MTMR2: variants seen among roughly 807,000 people sequenced by gnomAD.
MTMR2 encodes the protein myotubularin related protein 2, also known as phosphatidylinositol-3,5-bisphosphate 3-phosphatase MTMR2.
In MTMR2, 55 loss-of-function variants were observed where a neutral mutation model predicts 86.9. That is an observed-to-expected ratio of 0.63 (90% CI 0.51 to 0.79). MTMR2 has a LOEUF of 0.79. Ranked by LOEUF, MTMR2 falls within the 30% of genes least tolerant of loss-of-function variation. The pLI is 0.00. For synonymous variants in MTMR2, 241 were observed against 266.8 expected (o/e 0.90, Z 0.94); for missense variants, 659 against 772.3 (o/e 0.85, Z 1.74).
chr11:95,865,819 T>G (rs893115174), intron 2 of MTMR2, 143 bp from the exon 3 acceptor site: 7 of 710,268 alleles, frequency 9.9e-6, no homozygotes, highest in Non-Finnish European at 1.7e-5. Context: ...TAAACTGTAG[T>G]GTTGGCATGT....
intron 10 of MTMR2, among the ~76,000 whole-genome samples, chr11:95,846,922 T>C (rs1863817776): frequency 6.6e-6 from 1 of 152,150 alleles, no homozygotes; most frequent in Non-Finnish European, 1.5e-5. Flanking sequence ...TTCTCTTCAA[T>C]TCTGTCTGAA....
Position 95,836,329 on chromosome 11 carries a change from A to G in MTMR2, c.1594-5T>C. The G allele has an allele frequency of 6.3e-7, 1 of 1,590,816 alleles. No individual in the cohort carries two copies. The highest frequency in any genetic ancestry group is 8.6e-7 in the Non-Finnish European group (1 of 1,162,014). Reference sequence around the variant, plus strand: ...CACAGTCCTTTTAGGAAGATTCTGTAGGCAGGAAAAATAGGTAAAGATTCT... The same window carrying G: ...CACAGTCCTTTTAGGAAGATTCTGTGGGCAGGAAAAATAGGTAAAGATTCT... On this transcript the variant is annotated splice_region_variant and splice_polypyrimidine_tract_variant and intron_variant, in intron 13 of 14. Coordinates refer to ENST00000346299, the MANE Select transcript of MTMR2 (RefSeq NM_016156.6).
intron 1 of MTMR2, among the ~76,000 whole-genome samples, chr11:95,893,897 C>T (rs1865795669): frequency 6.6e-6 from 1 of 152,138 alleles, no homozygotes; most frequent in African/African-American, 2.4e-5. Context: ...TCATCCCAAA[C>T]CAAAACCAAA....
At chr11:95,861,487 T>C (rs189902391) in intron 5 of MTMR2, among the ~76,000 whole-genome samples, 2,538 of 151,278 alleles carry the variant, frequency 0.017, 36 homozygotes, top group South Asian at 0.064. Context: ...GCAGTGGCAC[T>C]ATCTTGGCTC....
intron 12 of MTMR2, among the ~76,000 whole-genome samples, chr11:95,841,119 GCT>G (rs1175828350): frequency 6.6e-6 from 1 of 151,884 alleles, no homozygotes; most frequent in African/African-American, 2.4e-5. Flanking sequence ...AGCCATAATA[GCT>G]CTCTCTATGC....
Position 95,850,707 on chromosome 11 carries a change from G to A in MTMR2, c.697C>T (p.Arg233Ter), listed in dbSNP as rs751970177. Residue 233 changes from arginine (R) to a stop codon, truncating the protein, a stop_gained, in exon 8 of 15, where the codon CGA becomes TGA. Transcript: ENST00000346299. LOFTEE classifies it high-confidence loss of function. ...ESWRITKINE[R>*]YELCDTYPAL... ...GGGTATGTATCACAAAGTTCATATC[G>A]TTCATTTATCTTTGTTATTCTCCAG... is the stretch of plus-strand genomic sequence containing the variant. 4 of 1,613,286 alleles carry A rather than the reference G, an allele frequency of 2.5e-6. No homozygotes were observed. The highest frequency in any genetic ancestry group is 3.4e-6 in the Non-Finnish European group (4 of 1,179,590).
intron 9 of MTMR2, among the ~76,000 whole-genome samples, chr11:95,849,088 G>A (rs1467437419): frequency 6.6e-6 from 1 of 152,126 alleles, no homozygotes; most frequent in Non-Finnish European, 1.5e-5. Flanking sequence ...GGTACCTGCT[G>A]CTGTAGTTAT....
At chr11:95,888,024 G>C in intron 2 of MTMR2, 132 bp downstream of exon 2, 4 of 710,260 alleles carry the variant, frequency 5.6e-6, no homozygotes, top group Non-Finnish European at 4.7e-6. Flanking sequence ...GGCCTATTCT[G>C]GGATATTTTG....
chr11:95,900,563 C>A (rs1866035138), intron 1 of MTMR2, among the ~76,000 whole-genome samples: 1 of 152,002 alleles, frequency 6.6e-6, no homozygotes, highest in Non-Finnish European at 1.5e-5. Context: ...GCCTCAACTT[C>A]TTGCCCTTCC....
In MTMR2 at chr11:95,871,033, A is replaced by T. The variant is rs139530529; in HGVS notation, c.187-5357T>A. 2.0e-3 allele frequency among the ~76,000 whole-genome samples: 307 copies of T among 152,180 alleles called. 4 individuals are homozygous for T. The highest frequency in any genetic ancestry group is 6.9e-3 in the African/African-American group (285 of 41,502). ...TAGTTTCCTGAGAATGATGGTTTCCAGCTTCATCCATGCCCCTACAAAGGA... is the reference window on the plus strand; with the variant it reads ...TAGTTTCCTGAGAATGATGGTTTCCTGCTTCATCCATGCCCCTACAAAGGA... On this transcript the variant is annotated intron_variant, in intron 2 of 14. Coordinates refer to ENST00000346299, the MANE Select transcript of MTMR2 (RefSeq NM_016156.6).
chr11:95,834,401 T>G lies in MTMR2; in HGVS notation c.*889A>C, dbSNP rs1365229530. 6.6e-6 allele frequency: 1 copy of G among 152,116 alleles called. No homozygotes were observed. Among genetic ancestry groups the G allele is most frequent in the African/African-American group, 2.4e-5 (1 of 41,448 alleles). 9.4% of individuals were successfully genotyped at this position (152,116 alleles called of 1,614,324 possible). On this transcript the variant is annotated 3_prime_UTR_variant, in exon 15 of 15. Coordinates refer to ENST00000346299, the MANE Select transcript of MTMR2 (RefSeq NM_016156.6). ...GCACAGTACTTCTCACTATAAGCTATTTATACAGAATTCAGAAAAAATGTC... is the reference window on the plus strand; with the variant it reads ...GCACAGTACTTCTCACTATAAGCTAGTTATACAGAATTCAGAAAAAATGTC...
chr11:95,914,562 GA>G (rs1006834094), intron 1 of MTMR2, among the ~76,000 whole-genome samples: 4 of 150,032 alleles, frequency 2.7e-5, no homozygotes, highest in Non-Finnish European at 4.4e-5. Flanking sequence ...CTCAGGCAAA[GA>G]AAAAAAAACA....
chr11:95,841,725 T>A lies in MTMR2; in HGVS notation c.1387-16A>T, dbSNP rs1442595528. ...GGCCAACTCTCTGAAGCAAAAAGAG[T>A]GAAATATATGAACTTAGGGGGATTT... On this transcript the variant is annotated splice_polypyrimidine_tract_variant and intron_variant, in intron 11 of 14. Coordinates refer to ENST00000346299, the MANE Select transcript of MTMR2 (RefSeq NM_016156.6). The A allele has an allele frequency of 6.4e-7, 1 of 1,553,792 alleles. No individual in the cohort carries two copies. The highest frequency in any genetic ancestry group is 1.7e-5 in the Admixed American group (1 of 59,878).
intron 2 of MTMR2, among the ~76,000 whole-genome samples, chr11:95,865,922 CAT>C (rs1555066311): frequency 6.6e-6 from 1 of 152,068 alleles, no homozygotes; most frequent in Non-Finnish European, 1.5e-5. Context: ...AAAAATTGTA[CAT>C]GTTTTTGCAC....
At chr11:95,923,776 A>G (rs1867022756) in intron 1 of MTMR2, 99 bp downstream of exon 1, 8 of 1,505,000 alleles carry the variant, frequency 5.3e-6, no homozygotes, top group Non-Finnish European at 7.1e-6. Context: ...CGTAGCCTTC[A>G]GAAACCAGAA....
At chr11:95,857,901 T>C (rs1009615670) in intron 6 of MTMR2, among the ~76,000 whole-genome samples, 1 of 152,178 alleles carries the variant, frequency 6.6e-6, no homozygotes, top group African/African-American at 2.4e-5. Context: ...CAGATTATCC[T>C]TGGTAGCCTT....
intron 3 of MTMR2, among the ~76,000 whole-genome samples, chr11:95,864,994 G>C (rs1161144620): frequency 6.6e-6 from 1 of 151,966 alleles, no homozygotes; most frequent in Non-Finnish European, 1.5e-5. Flanking sequence ...TTATCACACA[G>C]ATGAAACAAA....
chr11:95,870,604 G>A (rs1204213554), intron 2 of MTMR2, among the ~76,000 whole-genome samples: 2 of 151,524 alleles, frequency 1.3e-5, no homozygotes, highest in Non-Finnish European at 2.9e-5. Context: ...TTGCATCTCA[G>A]ATATGTCAGC....
At chr11:95,914,214 T>C in intron 1 of MTMR2, 4 of 986,538 alleles carry the variant, frequency 4.1e-6, no homozygotes, top group Non-Finnish European at 4.8e-6. Flanking sequence ...TTGTCCATTT[T>C]TATATCTGCA....
Sources: gnomAD v4.1 joint callset for allele counts (sites outside exome capture counted in the v4.1 genomes callset) on GRCh38, gnomAD v4.1.1 for gene constraint, MANE v1.5 for transcripts, NCBI Gene and HGNC (gene_info 2026-07-23, HGNC 2026-07-21) for gene names.